Variants in DAAM2 observed in about 807,000 individuals in gnomAD.
DAAM2 encodes the protein disheveled-associated activator of morphogenesis 2.
Under a neutral mutation model 120.7 loss-of-function variants are expected in DAAM2, and 39 were observed. The observed-to-expected ratio is 0.32, with a 90% confidence interval of 0.25 to 0.42. The LOEUF is 0.42. DAAM2 is among the 10% of genes least tolerant of loss of function. The probability of loss-of-function intolerance (pLI) is 1.00; values close to 1 mark genes in which losing one functional copy is unlikely to be tolerated. For synonymous variants in DAAM2, 488 were observed against 524.9 expected, an observed-to-expected ratio of 0.93 and a Z score of 0.96; for missense variants, 1,283 against 1,401.7, an observed-to-expected ratio of 0.92 and a Z score of 1.35.
chr6:39,813,960 T>C (rs982967627), intron 1 of DAAM2, among the ~76,000 whole-genome samples: 1 of 152,080 alleles, frequency 6.6e-6, no homozygotes, highest in Non-Finnish European at 1.5e-5. Flanking sequence ...TGGCCACTGT[T>C]TGGTAGAGAG....
intron 1 of DAAM2, among the ~76,000 whole-genome samples, chr6:39,801,673 A>G (rs1021234735): frequency 6.6e-6 from 1 of 152,218 alleles, no homozygotes; most frequent in African/African-American, 2.4e-5. Context: ...TGTGCTTTGA[A>G]CATTCCGCCT....
At chr6:39,806,339 T>A (rs1421454781) in intron 1 of DAAM2, among the ~76,000 whole-genome samples, 1 of 152,192 alleles carries the variant, frequency 6.6e-6, no homozygotes. Flanking sequence ...GTTGATATGG[T>A]CAATACGTGG....
rs994190605 is a variant in DAAM2, at chr6:39,833,674, C to G, written c.-56-22573C>G. ...TCATTACCTTGTATCAACTGTTCCT[C>G]CCTCTATGCACCATTTTGTTCTGGA... On this transcript the variant is annotated intron_variant, in intron 1 of 24. Coordinates refer to ENST00000274867, the MANE Select transcript of DAAM2 (RefSeq NM_001201427.2). Among the ~76,000 whole-genome samples, 3 of 152,152 alleles carry G rather than the reference C, an allele frequency of 2.0e-5. No individual in the cohort carries two copies. In the East Asian group the frequency reaches 5.8e-4, roughly 29 times the overall value.
chr6:39,859,297 T>C (rs981286691), intron 2 of DAAM2, among the ~76,000 whole-genome samples: 5 of 152,220 alleles, frequency 3.3e-5, no homozygotes, highest in Admixed American at 2.0e-4. Flanking sequence ...GCAGAGTTTG[T>C]ATTGGGAAAT....
intron 3 of DAAM2, 151 bp downstream of exon 3, chr6:39,861,168 A>G: frequency 1.4e-6 from 1 of 720,850 alleles, no homozygotes; most frequent in Non-Finnish European, 2.5e-6. Context: ...AAATAGAAAA[A>G]GGAAATTCTG....
At chr6:39,813,728 C>A (rs9462567) in intron 1 of DAAM2, among the ~76,000 whole-genome samples, 1 of 152,300 alleles carries the variant, frequency 6.6e-6, no homozygotes, top group East Asian at 1.9e-4. Context: ...AGCTTCCCAC[C>A]TGGCCACAAA....
intron 1 of DAAM2, among the ~76,000 whole-genome samples, chr6:39,806,825 T>C (rs1762020641): frequency 7.5e-6 from 1 of 133,158 alleles, no homozygotes. Context: ...CTCTGTTTTA[T>C]ACTCATCAGA....
At chr6:39,895,659 T>G (rs991143322) in intron 19 of DAAM2, among the ~76,000 whole-genome samples, 1 of 152,260 alleles carries the variant, frequency 6.6e-6, no homozygotes, top group Non-Finnish European at 1.5e-5. Context: ...CTGGTCTTTT[T>G]GTTGCCACAC....
chr6:39,792,430 G>C lies in DAAM2; in HGVS notation c.-92G>C, dbSNP rs1050317185. 1.3e-5 allele frequency: 2 copies of C among 152,124 alleles called. No homozygotes were observed. Among genetic ancestry groups the C allele is most frequent in the Admixed American group, 1.3e-4 (2 of 15,266 alleles). 9.4% of individuals were successfully genotyped at this position (152,124 alleles called of 1,614,324 possible). A position where few individuals can be genotyped will look rare whatever the true frequency, so the allele number is the denominator to read the frequency against. On this transcript the variant is annotated 5_prime_UTR_variant, in exon 1 of 25. Coordinates refer to ENST00000274867, the MANE Select transcript of DAAM2 (RefSeq NM_001201427.2). ...AGCGCGGGCGGCGGCGCCGTACCTC[G>C]GGCTGCGGGAGCGCGGGCGCCCTGG...
chr6:39,887,728 C>T (rs927158548), intron 16 of DAAM2, 136 bp downstream of exon 16: 194 of 624,702 alleles, frequency 3.1e-4, no homozygotes, highest in Non-Finnish European at 4.8e-4. Context: ...AACTGTCTCT[C>T]GGGAACCTGC....
intron 1 of DAAM2, among the ~76,000 whole-genome samples, chr6:39,800,637 C>A (rs1761834094): frequency 6.6e-6 from 1 of 152,100 alleles, no homozygotes; most frequent in Non-Finnish European, 1.5e-5. Flanking sequence ...TGGAGCAGCC[C>A]CGGCTAAAGA....
At chr6:39,886,724 C>T (rs1052868131) in intron 15 of DAAM2, 4 of 356,166 alleles carry the variant, frequency 1.1e-5, no homozygotes, top group Non-Finnish European at 2.0e-5. Context: ...CAAAGGAGAG[C>T]CTTTCCTGTA....
In DAAM2 at chr6:39,867,594, C is replaced by T; in HGVS notation, c.513C>T (p.Ser171=). ...GCATGGACCACGCCACCTGTGAGAG[C>T]CGCATCCACACCTCACTCATTGGCT... ...LRSMDHATCE[S]RIHTSLIGCI... The change falls in exon 6 of 25, where the codon AGC becomes AGT. Residue 171 remains serine (S), a synonymous_variant. Coordinates refer to ENST00000274867, the MANE Select transcript of DAAM2 (RefSeq NM_001201427.2). 6.2e-7 allele frequency: 1 copy of T among 1,614,022 alleles called. No homozygotes were observed. The highest frequency in any genetic ancestry group is 2.2e-5 in the East Asian group (1 of 44,874).
intron 1 of DAAM2, among the ~76,000 whole-genome samples, chr6:39,850,933 A>G (rs1763785136): frequency 6.6e-6 from 1 of 152,180 alleles, no homozygotes; most frequent in Admixed American, 6.5e-5. Flanking sequence ...TGGTTCTGTG[A>G]CAAGACCACT....
chr6:39,902,307 C>A lies in DAAM2; in HGVS notation c.*270C>A. On this transcript the variant is annotated 3_prime_UTR_variant, in exon 25 of 25. Coordinates refer to ENST00000274867, the MANE Select transcript of DAAM2 (RefSeq NM_001201427.2). ...TTGGATGGCCTCAGGCCAGGTAACC[C>A]CAGGCTGAAGGGGCCCTGCTCCCCA... 2.9e-6 allele frequency: 1 copy of A among 342,964 alleles called. No homozygotes were observed. The highest frequency in any genetic ancestry group is 5.3e-6 in the Non-Finnish European group (1 of 190,160). 21.2% of individuals were successfully genotyped at this position (342,964 alleles called of 1,614,324 possible).
intron 1 of DAAM2, among the ~76,000 whole-genome samples, chr6:39,826,605 C>A (rs1232222325): frequency 6.6e-6 from 1 of 152,146 alleles, no homozygotes; most frequent in Non-Finnish European, 1.5e-5. Context: ...ATTCTTGAAT[C>A]CCTGGACACC....
At position 39,879,337 on chromosome 6, in the gene DAAM2, C is replaced by T. The variant is rs1413658480; in HGVS notation, c.1705C>T (p.Pro569Ser). Reference protein sequence around the residue: ...PLPPGGPPTPPGAPPCLGMGL... With the variant: ...PLPPGGPPTPSGAPPCLGMGL... ...TCCTCCCGGGGGACCCCCGACTCCC[C>T]CAGGTGCCCCACCTTGCCTCGGCAT... Residue 569 changes from proline to serine, a missense_variant, in exon 14 of 25, where the codon CCA becomes TCA. Physicochemically the swap from Pro to Ser is moderately conservative, Grantham distance 74. This residue lies in a region of DAAM2 where 748 missense variants were observed against 768.6 expected (regional missense o/e 0.97). Transcript: ENST00000274867. 6.2e-7 allele frequency: 1 copy of T among 1,608,230 alleles called. No individual in the cohort carries two copies. Among genetic ancestry groups the T allele is most frequent in the Non-Finnish European group, 8.5e-7 (1 of 1,175,932 alleles).
intron 1 of DAAM2, among the ~76,000 whole-genome samples, chr6:39,845,151 T>C (rs1025855628): frequency 1.5e-5 from 2 of 136,980 alleles, no homozygotes; most frequent in East Asian, 2.4e-4. Flanking sequence ...ATTACACACA[T>C]ATACACCACA....
intron 1 of DAAM2, among the ~76,000 whole-genome samples, chr6:39,809,785 T>G (rs1253919671): frequency 6.6e-6 from 1 of 152,204 alleles, no homozygotes; most frequent in Non-Finnish European, 1.5e-5. Flanking sequence ...TATCAGAATT[T>G]ATATTCAGCT....
Sources: allele counts gnomAD v4.1 joint callset (sites outside exome capture counted in the v4.1 genomes callset), GRCh38; gene constraint gnomAD v4.1.1; regional missense constraint gnomAD v4.1.1; transcripts MANE v1.5; gene names NCBI Gene and HGNC (gene_info 2026-07-23, HGNC 2026-07-21).